ITPRID1: variants seen among roughly 807,000 people sequenced by gnomAD.
The protein encoded by ITPRID1 is protein ITPRID1.
Under a neutral mutation model 95.4 loss-of-function variants are expected in ITPRID1, and 96 were observed. The ratio of observed to expected loss-of-function variants is 1.01; its 90% confidence interval spans 0.85 to 1.19. The LOEUF (loss-of-function observed/expected upper bound fraction) is 1.19, where lower values mean the gene tolerates loss of function less well. Ranked by LOEUF, ITPRID1 falls within the 50% of genes most tolerant of loss-of-function variation. ITPRID1 has a pLI of 0.00. For synonymous variants in ITPRID1, 510 were observed against 453.6 expected, an observed-to-expected ratio of 1.12 and a Z score of -1.58; for missense variants, 1,339 against 1,252.9, an observed-to-expected ratio of 1.07 and a Z score of -1.04.
chr7:31,618,835 C>A (rs1026540130), intron 10 of ITPRID1, among the ~76,000 whole-genome samples: 5 of 152,160 alleles, frequency 3.3e-5, no homozygotes, highest in Admixed American at 6.5e-5. Flanking sequence ...TTATATGCCG[C>A]AAATATAAGT....
At chr7:31,623,723 A>T (rs1436793499) in intron 10 of ITPRID1, among the ~76,000 whole-genome samples, 1 of 138,966 alleles carries the variant, frequency 7.2e-6, no homozygotes, top group Admixed American at 7.5e-5. Flanking sequence ...AAACTTTGAA[A>T]CCTCTATCAC....
intron 10 of ITPRID1, among the ~76,000 whole-genome samples, chr7:31,618,386 CACT>C (rs1562615026): frequency 2.0e-5 from 3 of 152,154 alleles, no homozygotes; most frequent in Non-Finnish European, 1.5e-5. Context: ...TAACACACAC[CACT>C]ACTAATTAGG....
At chr7:31,628,339 G>C (rs1336654876) in intron 10 of ITPRID1, among the ~76,000 whole-genome samples, 1 of 151,398 alleles carries the variant, frequency 6.6e-6, no homozygotes, top group Non-Finnish European at 1.5e-5. Flanking sequence ...ATAGAGAATA[G>C]CCAACAAACG....
intron 1 of ITPRID1, among the ~76,000 whole-genome samples, chr7:31,528,132 G>C (rs981245560): frequency 2.0e-5 from 3 of 152,154 alleles, no homozygotes; most frequent in Non-Finnish European, 4.4e-5. Context: ...TGTTTTGATA[G>C]GGTCCTATTC....
At chr7:31,526,914 C>T (rs1041393841) in intron 1 of ITPRID1, among the ~76,000 whole-genome samples, 6 of 152,130 alleles carry the variant, frequency 3.9e-5, no homozygotes, top group African/African-American at 1.4e-4. Context: ...GAATGAAAGT[C>T]TGATCATGTC....
intron 11 of ITPRID1, among the ~76,000 whole-genome samples, 185 bp from the exon 12 acceptor site, chr7:31,642,497 C>T (rs530021885): frequency 5.9e-5 from 9 of 152,294 alleles, no homozygotes; most frequent in Admixed American, 5.2e-4. Context: ...TTTGACTTTT[C>T]TAAGCAAGGA....
At chr7:31,574,845 T>A in intron 8 of ITPRID1, 103 bp downstream of exon 8, 1 of 958,096 alleles carries the variant, frequency 1.0e-6, no homozygotes, top group Non-Finnish European at 1.6e-6. Flanking sequence ...ATGCAAACCC[T>A]CTATTACAGT....
chr7:31,619,688 C>T (rs568416004), intron 10 of ITPRID1, among the ~76,000 whole-genome samples: 31 of 152,178 alleles, frequency 2.0e-4, no homozygotes, highest in South Asian at 2.1e-4. Context: ...ACGCAGAAGA[C>T]GGGTGATTTC....
chr7:31,630,600 G>T (rs946109687), intron 10 of ITPRID1, among the ~76,000 whole-genome samples: 1 of 152,074 alleles, frequency 6.6e-6, no homozygotes, highest in Non-Finnish European at 1.5e-5. Flanking sequence ...GAACAACAGG[G>T]AAGATCTGCA....
chr7:31,543,595 C>A (rs1784001777), intron 1 of ITPRID1, among the ~76,000 whole-genome samples: 1 of 151,898 alleles, frequency 6.6e-6, no homozygotes, highest in Non-Finnish European at 1.5e-5. Flanking sequence ...TATCTCTTAT[C>A]TTTTTCTGGT....
At chr7:31,619,829 G>T (rs1183184114) in intron 10 of ITPRID1, among the ~76,000 whole-genome samples, 1 of 152,174 alleles carries the variant, frequency 6.6e-6, no homozygotes, top group African/African-American at 2.4e-5. Flanking sequence ...GAAGCGCAAG[G>T]GGTCAGGGAG....
rs376642588 is a variant in ITPRID1, at chr7:31,655,384, G to A, written c.*2555G>A. Among the ~76,000 whole-genome samples the A allele has an allele frequency of 7.2e-5, 11 of 152,252 alleles. No homozygotes were observed. Among genetic ancestry groups the A allele is most frequent in the African/African-American group, 2.6e-4 (11 of 41,548 alleles). On this transcript the variant is annotated 3_prime_UTR_variant, in exon 15 of 15. Transcript: ENST00000615280. ...GTTTCCTCAGAACGAATTACCTGGC[G>A]ACAGTGCAACATAGGTGCTTCCTAA... is the stretch of plus-strand genomic sequence containing the variant.
At chr7:31,543,752 A>G (rs1784006786) in intron 1 of ITPRID1, among the ~76,000 whole-genome samples, 1 of 152,100 alleles carries the variant, frequency 6.6e-6, no homozygotes, top group South Asian at 2.1e-4. Flanking sequence ...TTTACAAAGC[A>G]GAAAGTTTTA....
intron 9 of ITPRID1, among the ~76,000 whole-genome samples, chr7:31,579,634 G>A (rs1183001532): frequency 1.3e-5 from 2 of 152,128 alleles, no homozygotes; most frequent in Non-Finnish European, 2.9e-5. Flanking sequence ...ATAGAAAGTA[G>A]GCTTAACCAT....
chr7:31,631,312 CATA>C (rs1378707809), intron 10 of ITPRID1, among the ~76,000 whole-genome samples: 1 of 152,066 alleles, frequency 6.6e-6, no homozygotes, highest in Non-Finnish European at 1.5e-5. Context: ...ACACACAAAT[CATA>C]ATTTTTGATA....
Position 31,545,748 on chromosome 7 carries a change from C to A in ITPRID1, c.-97-3678C>A, listed in dbSNP as rs973555944. On this transcript the variant is annotated intron_variant, in intron 1 of 14. Coordinates refer to ENST00000615280, the MANE Select transcript of ITPRID1 (RefSeq NM_001257967.3). ...TTTTGTGGTGGGAGGAAGCCACCCA[C>A]GGAACAAGTCATCACAGACTGCTTG... 4.6e-5 allele frequency among the ~76,000 whole-genome samples: 7 copies of A among 152,154 alleles called. No homozygotes were observed. The South Asian group carries it at 1.5e-3, about 32-fold the overall frequency.
rs1047654374 is a variant in ITPRID1, at chr7:31,550,987, G to C, written c.-24+1488G>C. On this transcript the variant is annotated intron_variant, in intron 2 of 14. Coordinates refer to ENST00000615280, the MANE Select transcript of ITPRID1 (RefSeq NM_001257967.3). ...TTTGAATACTATCAGCTACCTGATA[G>C]CTTCTTGTTTCCTCCACAGTGCAAA... 1.2e-4 allele frequency among the ~76,000 whole-genome samples: 17 copies of C among 143,820 alleles called. 1 individual carries two copies. Among genetic ancestry groups the C allele is most frequent in the African/African-American group, 4.2e-4 (17 of 40,820 alleles). 94.4% of individuals were successfully genotyped at this position (143,820 alleles called of 152,430 possible).
chr7:31,516,563 A>G (rs1236297208), intron 1 of ITPRID1, among the ~76,000 whole-genome samples: 2 of 152,226 alleles, frequency 1.3e-5, no homozygotes, highest in Non-Finnish European at 2.9e-5. Context: ...TTGCTCTAAC[A>G]GACACAGATA....
At chr7:31,609,033 A>G (rs887342296) in intron 10 of ITPRID1, among the ~76,000 whole-genome samples, 3 of 151,644 alleles carry the variant, frequency 2.0e-5, no homozygotes, top group Non-Finnish European at 3.0e-5. Flanking sequence ...ATATCATAAC[A>G]TTGTGTTAAA....
Sources: gnomAD v4.1 joint callset for allele counts (sites outside exome capture counted in the v4.1 genomes callset) on GRCh38, gnomAD v4.1.1 for gene constraint, MANE v1.5 for transcripts, NCBI Gene and HGNC (gene_info 2026-07-23, HGNC 2026-07-21) for gene names.